The following SGCG variants were observed in gnomAD, a reference collection of about 807,000 sequenced individuals.
The protein encoded by SGCG is gamma-sarcoglycan.
In SGCG, 26 loss-of-function variants were observed where a neutral mutation model predicts 29.3. The observed-to-expected ratio is 0.89, with a 90% CI of 0.65 to 1.23. The LOEUF is 1.23. Among genes scored for constraint, SGCG ranks in the 50% most tolerant of loss-of-function variants. The pLI is 0.00. For synonymous variants in SGCG, 145 were observed against 129.7 expected, an observed-to-expected ratio of 1.12 and a Z score of -0.80; for missense variants, 353 against 356.0, an observed-to-expected ratio of 0.99 and a Z score of 0.07.
At chr13:23,256,374 A>T (rs1000514909) in intron 4 of SGCG, among the ~76,000 whole-genome samples, 3 of 152,186 alleles carry the variant, frequency 2.0e-5, no homozygotes, top group Non-Finnish European at 4.4e-5. Context: ...GTGAAAACTA[A>T]CATGAAAAAC....
At chr13:23,247,424 A>G (rs1019125171) in intron 3 of SGCG, among the ~76,000 whole-genome samples, 4 of 152,158 alleles carry the variant, frequency 2.6e-5, no homozygotes, top group Admixed American at 2.6e-4. Context: ...CCTTGATGTT[A>G]TTAAGGTTTT....
intron 4 of SGCG, among the ~76,000 whole-genome samples, chr13:23,260,770 A>G (rs1196126371): frequency 1.3e-5 from 2 of 151,820 alleles, no homozygotes; most frequent in Non-Finnish European, 2.9e-5. Context: ...GCATTTGCTT[A>G]TCTGTACAGG....
intron 5 of SGCG, among the ~76,000 whole-genome samples, chr13:23,293,308 G>A (rs1881785948): frequency 6.6e-6 from 1 of 152,112 alleles, no homozygotes. Flanking sequence ...TAGTTTTTAT[G>A]TAAATCATCC....
chr13:23,219,979 G>A (rs1878594529), intron 2 of SGCG, among the ~76,000 whole-genome samples: 1 of 148,616 alleles, frequency 6.7e-6, no homozygotes, highest in African/African-American at 2.5e-5. Context: ...GGACTGCAAG[G>A]TGCCTGCCAC....
the SGCG span, among the ~76,000 whole-genome samples, chr13:23,166,015 C>A: frequency 6.6e-6 from 1 of 152,184 alleles, no homozygotes; most frequent in Non-Finnish European, 1.5e-5. Context: ...CCTTTCTAAT[C>A]TATGTGCCTT....
At chr13:23,291,384 T>A (rs1292972427) in intron 5 of SGCG, among the ~76,000 whole-genome samples, 1 of 152,198 alleles carries the variant, frequency 6.6e-6, no homozygotes, top group African/African-American at 2.4e-5. Context: ...TCTTATATCA[T>A]CTTGATTGTG....
At chr13:23,249,025 T>C (rs1418248805) in intron 3 of SGCG, among the ~76,000 whole-genome samples, 1 of 151,974 alleles carries the variant, frequency 6.6e-6, no homozygotes, top group Non-Finnish European at 1.5e-5. Context: ...AACCTCAATT[T>C]TCATTTATTT....
At chr13:23,257,065 G>A (rs548630215) in intron 4 of SGCG, among the ~76,000 whole-genome samples, 12 of 152,180 alleles carry the variant, frequency 7.9e-5, no homozygotes, top group South Asian at 2.1e-4. Flanking sequence ...GTTAGTGATC[G>A]CCATTCCAAC....
intron 2 of SGCG, among the ~76,000 whole-genome samples, chr13:23,230,050 C>T (rs949865373): frequency 6.6e-6 from 1 of 152,118 alleles, no homozygotes; most frequent in African/African-American, 2.4e-5. Context: ...GTTATTTCCC[C>T]TTTGCTTGTT....
chr13:23,184,394 G>T (rs1300288256), intron 1 of SGCG, among the ~76,000 whole-genome samples: 33 of 151,262 alleles, frequency 2.2e-4, no homozygotes, highest in African/African-American at 8.0e-4. Context: ...TCTAGAGGGG[G>T]CAGTGATAGT....
chr13:23,215,016 G>GT (rs971824163), intron 2 of SGCG, among the ~76,000 whole-genome samples: 2 of 152,094 alleles, frequency 1.3e-5, no homozygotes, highest in Non-Finnish European at 2.9e-5. Context: ...TAGCACTATA[G>GT]TTTTAATTTT....
At chr13:23,220,789 A>T (rs978780184) in intron 2 of SGCG, among the ~76,000 whole-genome samples, 3 of 152,326 alleles carry the variant, frequency 2.0e-5, no homozygotes, top group South Asian at 2.1e-4. Context: ...CAAAATATTG[A>T]AATTGCTATG....
chr13:23,292,129 A>ATTTTT (rs1881735670), intron 5 of SGCG, among the ~76,000 whole-genome samples: 1 of 107,368 alleles, frequency 9.3e-6, no homozygotes, highest in Admixed American at 8.6e-5. Context: ...CTTTTTTTTG[A>ATTTTT]GATAGAGTCT....
intron 2 of SGCG, among the ~76,000 whole-genome samples, chr13:23,233,731 GC>G (rs1879194683): frequency 6.6e-6 from 1 of 152,132 alleles, no homozygotes; most frequent in Admixed American, 6.5e-5. Flanking sequence ...AAATGGATAA[GC>G]CTCCAAACTG....
At chr13:23,298,406 A>G (rs905091015) in intron 6 of SGCG, among the ~76,000 whole-genome samples, 3 of 152,178 alleles carry the variant, frequency 2.0e-5, no homozygotes, top group African/African-American at 7.2e-5. Context: ...TATTCTCCCT[A>G]AATAATAAAG....
chr13:23,169,270 A>G, the SGCG span, among the ~76,000 whole-genome samples: 106,319 of 151,452 alleles, frequency 0.7, 37,895 homozygotes, highest in East Asian at 0.83. Flanking sequence ...GCAGGGAGTC[A>G]TTCAAATTTG....
intron 6 of SGCG, among the ~76,000 whole-genome samples, chr13:23,304,552 C>T (rs997656245): frequency 6.6e-6 from 1 of 151,976 alleles, no homozygotes. Context: ...GCACCGGTCT[C>T]TCCATTCATG....
chr13:23,322,764 ATCCACCT>A (rs1566049024), intron 7 of SGCG, among the ~76,000 whole-genome samples: 2 of 11,702 alleles, frequency 1.7e-4, no homozygotes, highest in South Asian at 5.4e-3. Context: ...CCCCCCACCC[ATCCACCT>A]CCCCCCCCCC....
intron 5 of SGCG, among the ~76,000 whole-genome samples, chr13:23,291,090 A>T (rs1566033895): frequency 6.6e-6 from 1 of 152,248 alleles, no homozygotes; most frequent in East Asian, 1.9e-4. Flanking sequence ...TTTGAGTACT[A>T]CTCCTTCACA....
Sources: gnomAD v4.1 joint callset for allele counts (sites outside exome capture counted in the v4.1 genomes callset) on GRCh38, gnomAD v4.1.1 for gene constraint, MANE v1.5 for transcripts, NCBI Gene and HGNC (gene_info 2026-07-23, HGNC 2026-07-21) for gene names.